Variants in STK24 observed in about 807,000 individuals in gnomAD.
STK24 encodes the protein serine/threonine-protein kinase 24.
STK24 carries 21 observed loss-of-function variants against 55.6 expected under a neutral mutation model. That is an observed-to-expected ratio of 0.38 (90% confidence interval 0.27 to 0.54). The LOEUF (loss-of-function observed/expected upper bound fraction) is 0.54, where lower values mean the gene tolerates loss of function less well. STK24 is among the 20% of genes least tolerant of loss of function. STK24 has a pLI of 0.79. For synonymous variants in STK24, 200 were observed against 215.2 expected (o/e 0.93, Z 0.62); for missense variants, 383 against 538.4 (o/e 0.71, Z 2.86).
In STK24 at chr13:98,558,753, G is replaced by A. The variant is rs192454221; in HGVS notation, c.42+17992C>T. 1.2e-3 allele frequency among the ~76,000 whole-genome samples: 188 copies of A among 152,180 alleles called. 4 individuals carry two copies. The highest frequency in any genetic ancestry group is 0.011 in the Admixed American group (168 of 15,286). ...AACCAACAAAGTTACAAGTGAAATC[G>A]GGAATGTATTTGGGAACAGTCCACA... On this transcript the variant is annotated intron_variant, in intron 1 of 10. Coordinates refer to ENST00000539966, the MANE Select transcript of STK24 (RefSeq NM_001032296.4).
At chr13:98,576,603 C>A in intron 1 of STK24, 142 bp downstream of exon 1, 2 of 606,916 alleles carry the variant, frequency 3.3e-6, no homozygotes, top group Non-Finnish European at 2.5e-6. Context: ...GACTCGGACC[C>A]CCGGCCGAGC....
At chr13:98,531,464 C>T (rs978086141) in intron 1 of STK24, among the ~76,000 whole-genome samples, 1 of 152,132 alleles carries the variant, frequency 6.6e-6, no homozygotes, top group African/African-American at 2.4e-5. Context: ...CCTCCATTGC[C>T]CTGGGAAGCG....
At chr13:98,493,101 C>T (rs1895104840) in intron 2 of STK24, among the ~76,000 whole-genome samples, 1 of 152,214 alleles carries the variant, frequency 6.6e-6, no homozygotes, top group South Asian at 2.1e-4. Flanking sequence ...TTACGTGCCT[C>T]ATTCCATCAT....
At chr13:98,489,758 G>A (rs1894948095) in intron 2 of STK24, among the ~76,000 whole-genome samples, 1 of 152,180 alleles carries the variant, frequency 6.6e-6, no homozygotes, top group African/African-American at 2.4e-5. Context: ...TGTTCGCAGA[G>A]GGCAGCTAGG....
intron 2 of STK24, among the ~76,000 whole-genome samples, chr13:98,506,815 C>T (rs890910682): frequency 9.9e-5 from 15 of 152,224 alleles, no homozygotes; most frequent in African/African-American, 2.9e-4. Context: ...AATACGGTGG[C>T]CGTGAGTAAG....
At chr13:98,465,884 A>G (rs1190839545) in intron 6 of STK24, among the ~76,000 whole-genome samples, 1 of 152,250 alleles carries the variant, frequency 6.6e-6, no homozygotes, top group Non-Finnish European at 1.5e-5. Flanking sequence ...AGAGTCTATT[A>G]AACCTAAAAA....
In STK24 at chr13:98,447,853, A is replaced by G. The variant is rs1232781714; in HGVS notation, c.*5320T>C. 4.3e-5 allele frequency: 9 copies of G among 211,156 alleles called. No individual in the cohort carries two copies. Among genetic ancestry groups the G allele is most frequent in the Non-Finnish European group, 8.5e-5 (9 of 105,378 alleles). The allele number at this position is 211,156 out of a possible 1,614,324, so 13.1% of individuals were successfully genotyped here. Reference sequence around the variant, plus strand: ...GAGCCAGACCCTGTCTCAAAAAAAAAAGAAAAAGAAAAAAGGAAGGGAGAG... The same window carrying G: ...GAGCCAGACCCTGTCTCAAAAAAAAGAGAAAAAGAAAAAAGGAAGGGAGAG... On this transcript the variant is annotated 3_prime_UTR_variant, in exon 11 of 11. Coordinates refer to ENST00000539966, the MANE Select transcript of STK24 (RefSeq NM_001032296.4).
At chr13:98,496,946 C>A (rs1008540742) in intron 2 of STK24, among the ~76,000 whole-genome samples, 23 of 152,236 alleles carry the variant, frequency 1.5e-4, no homozygotes, top group Admixed American at 1.4e-3. Flanking sequence ...GCCACATCAT[C>A]TGCGGGTACA....
chr13:98,462,514 T>C (rs1594575633), intron 7 of STK24, among the ~76,000 whole-genome samples: 2 of 152,050 alleles, frequency 1.3e-5, no homozygotes, highest in African/African-American at 4.8e-5. Context: ...TGTGGCCCCA[T>C]TAAGCCTGCA....
At chr13:98,560,295 G>T (rs1156295890) in intron 1 of STK24, among the ~76,000 whole-genome samples, 3 of 152,152 alleles carry the variant, frequency 2.0e-5, no homozygotes, top group African/African-American at 7.2e-5. Context: ...CACCTTGTAC[G>T]GGATGAAAAC....
intron 1 of STK24, among the ~76,000 whole-genome samples, chr13:98,545,526 C>G (rs984382811): frequency 6.6e-6 from 1 of 150,890 alleles, no homozygotes; most frequent in East Asian, 1.9e-4. Flanking sequence ...TCCAGCTACT[C>G]GGGAGGCTGA....
At position 98,548,861 on chromosome 13, in the gene STK24, C is replaced by CAAAA. The variant is rs55793722; in HGVS notation, c.42+27880_42+27883dup. Among the ~76,000 whole-genome samples the CAAAA allele has an allele frequency of 2.9e-3, 109 of 37,766 alleles. 5 individuals carry two copies. The East Asian group carries it at 0.036, about 12-fold the overall frequency. The allele number at this position is 37,766 out of a possible 152,430, so 24.8% of individuals were successfully genotyped here. ...CAGGCGACAGAGTGAGACTCTGTCT[C>CAAAA]AAAAAAAAAAAAAAAAAAAAAAAAA... is the stretch of plus-strand genomic sequence containing the variant. On this transcript the variant is annotated intron_variant, in intron 1 of 10. Coordinates refer to ENST00000539966, the MANE Select transcript of STK24 (RefSeq NM_001032296.4).
chr13:98,532,004 C>T (rs1045065599), intron 1 of STK24, among the ~76,000 whole-genome samples: 9 of 152,136 alleles, frequency 5.9e-5, no homozygotes, highest in African/African-American at 9.7e-5. Flanking sequence ...CTAAACAGCT[C>T]GATGTCCCAG....
chr13:98,530,828 A>G (rs1212441437), intron 1 of STK24, among the ~76,000 whole-genome samples: 1 of 152,242 alleles, frequency 6.6e-6, no homozygotes, highest in African/African-American at 2.4e-5. Context: ...ACACTGAAGA[A>G]CATGGGAAGC....
chr13:98,552,344 A>T (rs1340066256), intron 1 of STK24, among the ~76,000 whole-genome samples: 1 of 152,080 alleles, frequency 6.6e-6, no homozygotes, highest in African/African-American at 2.4e-5. Context: ...GATCAGAAAC[A>T]TGGGAGAAGG....
intron 1 of STK24, among the ~76,000 whole-genome samples, chr13:98,520,634 G>A (rs1410362055): frequency 1.3e-5 from 2 of 152,240 alleles, no homozygotes; most frequent in Non-Finnish European, 2.9e-5. Flanking sequence ...CAACACTGCA[G>A]CAACGGCGGT....
intron 1 of STK24, among the ~76,000 whole-genome samples, chr13:98,550,295 T>G (rs1419653685): frequency 1.3e-5 from 2 of 152,104 alleles, no homozygotes; most frequent in East Asian, 1.9e-4. Flanking sequence ...TCCCAGCACT[T>G]TGGGAGGTCA....
intron 1 of STK24, among the ~76,000 whole-genome samples, chr13:98,565,393 G>A (rs1201516860): frequency 2.0e-5 from 3 of 152,062 alleles, no homozygotes; most frequent in Non-Finnish European, 4.4e-5. Flanking sequence ...TCTGGAAGGC[G>A]AAGGCGAGAG....
chr13:98,492,488 C>T (rs1895080027), intron 2 of STK24, among the ~76,000 whole-genome samples: 2 of 152,130 alleles, frequency 1.3e-5, no homozygotes, highest in Non-Finnish European at 2.9e-5. Flanking sequence ...CTCTTTTTCT[C>T]GAATACCACC....
Sources: gnomAD v4.1 joint callset for allele counts (sites outside exome capture counted in the v4.1 genomes callset) on GRCh38, gnomAD v4.1.1 for gene constraint, MANE v1.5 for transcripts, NCBI Gene and HGNC (gene_info 2026-07-23, HGNC 2026-07-21) for gene names.